The following CCNB3 variants were observed in gnomAD, a reference collection of about 807,000 sequenced individuals.
CCNB3 encodes cyclin B3.
Under a neutral mutation model 68.0 loss-of-function variants are expected in CCNB3, and 12 were observed. That is an observed-to-expected ratio of 0.18 (90% CI 0.11 to 0.29). CCNB3 has a LOEUF of 0.29. Among genes scored for constraint, CCNB3 ranks in the 10% least tolerant of loss-of-function variants. The pLI is 1.00. For synonymous variants in CCNB3, 354 were observed against 388.9 expected (o/e 0.91, Z 1.06); for missense variants, 904 against 993.1 (o/e 0.91, Z 1.21).
Position 50,310,002 on chromosome X carries a change from T to G in CCNB3, c.1833T>G (p.Thr611=). The G allele has an allele frequency of 3.3e-6, 4 of 1,210,746 alleles. No individual in the cohort carries two copies. The highest frequency in any genetic ancestry group is 4.5e-6 in the Non-Finnish European group (4 of 894,889). Residue 611 remains threonine (T), a synonymous_variant, in exon 6 of 13, where the codon ACT becomes ACG. Transcript: ENST00000376042. ...LKKPLVLQKI[T]SEEESFYKKL... ...AGCCACTGGTCTTGCAGAAGATCAC[T>G]TCTGAGGAGGAGTCATTCTATAAGA...
intron 1 of CCNB3, among the ~76,000 whole-genome samples, chrX:50,226,032 A>G (rs950163832): frequency 7.5e-5 from 7 of 93,072 alleles, no homozygotes; most frequent in Non-Finnish European, 1.2e-4. Flanking sequence ...AAATATATAT[A>G]TAGAATATAT....
intron 8 of CCNB3, among the ~76,000 whole-genome samples, chrX:50,319,671 A>G (rs1921916402): frequency 8.9e-6 from 1 of 111,877 alleles, no homozygotes; most frequent in African/African-American, 3.2e-5. Flanking sequence ...AAGAGTGGAC[A>G]GCATTGCCTT....
intron 9 of CCNB3, among the ~76,000 whole-genome samples, chrX:50,343,078 G>A (rs912633266): frequency 4.5e-5 from 5 of 111,254 alleles, no homozygotes; most frequent in East Asian, 2.8e-4. Context: ...GATGTCCTTC[G>A]GGAGGTTTTC....
At chrX:50,331,277 G>A (rs1557218035) in intron 8 of CCNB3, among the ~76,000 whole-genome samples, 1 of 111,116 alleles carries the variant, frequency 9.0e-6, no homozygotes, top group Non-Finnish European at 1.9e-5. Flanking sequence ...CACATATCCA[G>A]TAAAATCCAG....
chrX:50,336,227 C>A (rs1247360414), intron 8 of CCNB3, among the ~76,000 whole-genome samples: 11 of 112,094 alleles, frequency 9.8e-5, no homozygotes, highest in Non-Finnish European at 1.7e-4. Flanking sequence ...GGACACTTAT[C>A]TTTCCAATGT....
chrX:50,323,035 G>A (rs1186968794), intron 8 of CCNB3, among the ~76,000 whole-genome samples: 2 of 111,847 alleles, frequency 1.8e-5, no homozygotes, highest in African/African-American at 6.5e-5. Context: ...TCTAGAACTA[G>A]AAATACCATT....
intron 1 of CCNB3, among the ~76,000 whole-genome samples, chrX:50,227,432 C>G (rs1267986290): frequency 1.2e-5 from 1 of 82,008 alleles, no homozygotes; most frequent in East Asian, 3.4e-4. Context: ...TAAATATATA[C>G]AGAGAATATA....
At chrX:50,226,792 A>T (rs1463930680) in intron 1 of CCNB3, among the ~76,000 whole-genome samples, 1 of 79,274 alleles carries the variant, frequency 1.3e-5, no homozygotes, top group Non-Finnish European at 2.2e-5. Flanking sequence ...GAATATGTAC[A>T]TAGAATATAT....
At chrX:50,306,602 G>A (rs1921088758) in intron 5 of CCNB3, among the ~76,000 whole-genome samples, 1 of 111,542 alleles carries the variant, frequency 9.0e-6, no homozygotes, top group Admixed American at 9.5e-5. Context: ...TTTGCTTTGG[G>A]TTTTTTTGTA....
chrX:50,326,127 C>T (rs1922284831), intron 8 of CCNB3, among the ~76,000 whole-genome samples: 1 of 111,512 alleles, frequency 9.0e-6, no homozygotes, highest in African/African-American at 3.3e-5. Context: ...AGCATGATAT[C>T]CTTTTATGTG....
At chrX:50,321,779 A>C (rs1922029641) in intron 8 of CCNB3, among the ~76,000 whole-genome samples, 1 of 111,035 alleles carries the variant, frequency 9.0e-6, no homozygotes, top group Non-Finnish European at 1.9e-5. Context: ...TAATTCTTCC[A>C]GGTGAGCTGT....
chrX:50,335,900 C>A (rs782227451), intron 8 of CCNB3, among the ~76,000 whole-genome samples: 4 of 111,578 alleles, frequency 3.6e-5, no homozygotes, highest in Non-Finnish European at 7.5e-5. Flanking sequence ...AACTGGTGAA[C>A]TATTTCATGT....
chrX:50,331,614 A>G (rs1324261773), intron 8 of CCNB3, among the ~76,000 whole-genome samples: 1 of 111,778 alleles, frequency 8.9e-6, no homozygotes, highest in Non-Finnish European at 1.9e-5. Context: ...TTGGTCTCCC[A>G]TTACAATTCC....
intron 1 of CCNB3, among the ~76,000 whole-genome samples, chrX:50,225,335 T>C (rs1343412204): frequency 1.8e-5 from 2 of 111,224 alleles, no homozygotes; most frequent in African/African-American, 3.3e-5. Context: ...GAAAGAAGAC[T>C]ATTATGGTTG....
intron 8 of CCNB3, chrX:50,341,660 A>C (rs1923153299): frequency 1.8e-5 from 2 of 108,235 alleles, no homozygotes; most frequent in African/African-American, 6.5e-5. Flanking sequence ...GAAAAGAAAA[A>C]GAAGGGAAGG....
At chrX:50,224,240 C>T (rs1418364514) in intron 1 of CCNB3, among the ~76,000 whole-genome samples, 1 of 110,807 alleles carries the variant, frequency 9.0e-6, no homozygotes, top group Non-Finnish European at 1.9e-5. Context: ...ATCTTGGATC[C>T]ACCTGTAATA....
intron 8 of CCNB3, 99 bp from the exon 9 acceptor site, chrX:50,342,103 G>T: frequency 1.0e-6 from 1 of 999,516 alleles, no homozygotes; most frequent in Non-Finnish European, 1.4e-6. Flanking sequence ...AGTCAGGACT[G>T]TTCTTGATGT....
chrX:50,342,190 G>A lies in CCNB3; in HGVS notation c.3517-12G>A, dbSNP rs377350404. The A allele has an allele frequency of 8.3e-7, 1 of 1,208,502 alleles. No homozygotes were observed. The highest frequency in any genetic ancestry group is 1.8e-5 in the African/African-American group (1 of 56,961). ...CAATATGCAGATCTGTGTCGTGTGT[G>A]TGTTCCTCCAGGTGTCCTTTGAGAT... On this transcript the variant is annotated splice_polypyrimidine_tract_variant and intron_variant, in intron 8 of 12. Coordinates refer to ENST00000376042, the MANE Select transcript of CCNB3 (RefSeq NM_033031.3).
chrX:50,226,146 C>G (rs1360015838), intron 1 of CCNB3, among the ~76,000 whole-genome samples: 1 of 63,914 alleles, frequency 1.6e-5, no homozygotes, highest in African/African-American at 6.2e-5. Flanking sequence ...AATATATATT[C>G]TATATATATG....
Sources: gnomAD v4.1 joint callset for allele counts (sites outside exome capture counted in the v4.1 genomes callset) on GRCh38, gnomAD v4.1.1 for gene constraint, MANE v1.5 for transcripts, NCBI Gene and HGNC (gene_info 2026-07-23, HGNC 2026-07-21) for gene names.